BCO1: variants seen among roughly 807,000 people sequenced by gnomAD.
BCO1 encodes beta-carotene oxygenase 1, also known as beta,beta-carotene 15,15'-dioxygenase.
In BCO1, 54 loss-of-function variants were observed where a neutral mutation model predicts 56.3. That is an observed-to-expected ratio of 0.96 (90% CI 0.77 to 1.20). BCO1 has a LOEUF of 1.20. Ranked by LOEUF, BCO1 falls within the 50% of genes most tolerant of loss-of-function variation. The pLI is 0.00. For synonymous variants in BCO1, 318 were observed against 266.1 expected, an observed-to-expected ratio of 1.20 and a Z score of -1.90; for missense variants, 801 against 690.9, an observed-to-expected ratio of 1.16 and a Z score of -1.79.
chr16:81,289,213 G>A (rs1908336679), intron 10 of BCO1, among the ~76,000 whole-genome samples: 1 of 152,214 alleles, frequency 6.6e-6, no homozygotes, highest in Non-Finnish European at 1.5e-5. Context: ...GTATTTGCAG[G>A]AAGTTGATAT....
intron 7 of BCO1, among the ~76,000 whole-genome samples, chr16:81,276,575 C>T (rs1907570527): frequency 6.6e-6 from 1 of 152,160 alleles, no homozygotes; most frequent in Non-Finnish European, 1.5e-5. Context: ...CCAGAGACTG[C>T]CTTATTCCAG....
chr16:81,271,119 T>A (rs1484704347), intron 7 of BCO1, among the ~76,000 whole-genome samples: 7 of 150,846 alleles, frequency 4.6e-5, no homozygotes, highest in South Asian at 2.1e-4. Flanking sequence ...TTTATTTTTT[T>A]TTTTATTTTT....
intron 1 of BCO1, among the ~76,000 whole-genome samples, chr16:81,244,252 T>G (rs1046799321): frequency 6.6e-6 from 1 of 152,254 alleles, no homozygotes; most frequent in African/African-American, 2.4e-5. Flanking sequence ...AGAGCAGGGC[T>G]GTCCCCTAGA....
At chr16:81,289,976 G>T (rs1908373499) in intron 10 of BCO1, among the ~76,000 whole-genome samples, 1 of 152,168 alleles carries the variant, frequency 6.6e-6, no homozygotes, top group Non-Finnish European at 1.5e-5. Context: ...TAATTCTCTG[G>T]CTTCAGTCTA....
At position 81,264,647 on chromosome 16, in the gene BCO1, A is replaced by G. The variant is rs1277432334; in HGVS notation, c.479A>G (p.Tyr160Cys). 6.2e-7 allele frequency: 1 copy of G among 1,614,158 alleles called. No homozygotes were observed. Among genetic ancestry groups the G allele is most frequent in the Non-Finnish European group, 8.5e-7 (1 of 1,179,968 alleles). The change falls in exon 5 of 11, where the codon TAT (tyrosine) becomes TGT (cysteine). Residue 160 changes from tyrosine (Y) to cysteine (C), a missense_variant. Physicochemically the swap from Tyr to Cys is radical, Grantham distance 194. Coordinates refer to ENST00000258168, the MANE Select transcript of BCO1 (RefSeq NM_017429.3). ...QTLETLEKVD[Y>C]RKYVAVNLAT... ...AGGTGTCATATCTTGCAGGTTGATT[A>G]TCGTAAATACGTGGCGGTAAATCTG...
At chr16:81,279,360 C>T (rs1907734235) in intron 7 of BCO1, among the ~76,000 whole-genome samples, 1 of 152,112 alleles carries the variant, frequency 6.6e-6, no homozygotes, top group African/African-American at 2.4e-5. Flanking sequence ...AATAATGTTC[C>T]ATCCTCTTGT....
chr16:81,278,050 AT>A (rs969566488), intron 7 of BCO1, among the ~76,000 whole-genome samples: 2 of 150,540 alleles, frequency 1.3e-5, no homozygotes, highest in South Asian at 2.1e-4. Flanking sequence ...ATTTTATTTT[AT>A]TTTTTTTTGA....
chr16:81,275,483 G>A (rs1280639611), intron 7 of BCO1, among the ~76,000 whole-genome samples: 2 of 152,226 alleles, frequency 1.3e-5, no homozygotes, highest in African/African-American at 4.8e-5. Flanking sequence ...ATGGCGCCTT[G>A]TAACTCTTTG....
At chr16:81,270,692 C>CTGTGTGTGTGTG (rs58969930) in intron 7 of BCO1, among the ~76,000 whole-genome samples, 20,895 of 143,618 alleles carry the variant, frequency 0.15, 1,972 homozygotes, top group Non-Finnish European at 0.21. Context: ...CTCTCTGTGT[C>CTGTGTGTGTGTG]TGTGTGTGTG....
intron 1 of BCO1, among the ~76,000 whole-genome samples, chr16:81,243,248 T>G (rs1333570287): frequency 6.6e-6 from 1 of 152,178 alleles, no homozygotes; most frequent in East Asian, 1.9e-4. Context: ...TTTTTTAAAT[T>G]GCAGAAAATA....
intron 5 of BCO1, among the ~76,000 whole-genome samples, chr16:81,267,388 A>T (rs1339029906): frequency 6.6e-6 from 1 of 152,164 alleles, no homozygotes; most frequent in Non-Finnish European, 1.5e-5. Flanking sequence ...CGAGGCGGGC[A>T]GATCACCTGA....
chr16:81,251,892 A>G (rs74029092), intron 2 of BCO1, among the ~76,000 whole-genome samples: 3,036 of 121,330 alleles, frequency 0.025, 93 homozygotes, highest in African/African-American at 0.1. Context: ...GTGTGTGTGT[A>G]TATATATCTA....
At chr16:81,278,523 C>G (rs1160538053) in intron 7 of BCO1, among the ~76,000 whole-genome samples, 6 of 152,184 alleles carry the variant, frequency 3.9e-5, no homozygotes, top group Non-Finnish European at 8.8e-5. Flanking sequence ...GCACTAGGTG[C>G]CAGGCACTGA....
intron 2 of BCO1, among the ~76,000 whole-genome samples, chr16:81,256,662 C>G (rs1323241569): frequency 6.6e-6 from 1 of 152,044 alleles, no homozygotes; most frequent in African/African-American, 2.4e-5. Flanking sequence ...CCGAGGCAGG[C>G]AGTTCACCCG....
At chr16:81,262,536 A>G in intron 4 of BCO1, 1 of 466,326 alleles carries the variant, frequency 2.1e-6, no homozygotes, top group South Asian at 2.0e-5. Context: ...TGCTTTAAAC[A>G]ACAGAAATTG....
intron 7 of BCO1, among the ~76,000 whole-genome samples, chr16:81,279,332 T>G (rs528293465): frequency 6.6e-6 from 1 of 152,276 alleles, no homozygotes; most frequent in East Asian, 1.9e-4. Flanking sequence ...AAAGTTTAAA[T>G]GAGAAGTCAG....
chr16:81,247,288 C>T (rs891172990), intron 2 of BCO1, among the ~76,000 whole-genome samples: 8 of 152,158 alleles, frequency 5.3e-5, no homozygotes, highest in Admixed American at 6.6e-5. Flanking sequence ...TGTTCATCCT[C>T]CCCTGGAGAG....
intron 8 of BCO1, among the ~76,000 whole-genome samples, chr16:81,282,196 T>C (rs972743497): frequency 1.3e-5 from 2 of 152,134 alleles, no homozygotes; most frequent in African/African-American, 4.8e-5. Context: ...CTGGCCAACA[T>C]GGCGAAAACA....
At chr16:81,259,624 T>G in intron 2 of BCO1, 52 bp from the exon 3 acceptor site, 1 of 1,613,502 alleles carries the variant, frequency 6.2e-7, no homozygotes, top group Non-Finnish European at 8.5e-7. Flanking sequence ...ACATTGATTT[T>G]AAAGCCCTGT....
Sources: gnomAD v4.1 joint callset for allele counts (sites outside exome capture counted in the v4.1 genomes callset) on GRCh38, gnomAD v4.1.1 for gene constraint, MANE v1.5 for transcripts, NCBI Gene and HGNC (gene_info 2026-07-23, HGNC 2026-07-21) for gene names.